Variants in RET observed in about 807,000 individuals in gnomAD.
RET encodes the protein ret proto-oncogene.
A neutral mutation model predicts 118.3 loss-of-function variants in RET; 19 were observed. The observed-to-expected ratio is 0.16, with a 90% CI of 0.11 to 0.24. The LOEUF is 0.24. Ranked by LOEUF, RET falls within the 10% of genes least tolerant of loss-of-function variation. The pLI, the probability that RET is intolerant of heterozygous loss-of-function variation, is 1.00. For synonymous variants in RET, 597 were observed against 644.1 expected (o/e 0.93, Z 1.11); for missense variants, 1,219 against 1,502.1 (o/e 0.81, Z 3.12).
chr10:43,114,369 G>C lies in RET; in HGVS notation c.1880-111G>C, dbSNP rs2132840713. On this transcript the variant is annotated intron_variant, in intron 10 of 19. Coordinates refer to ENST00000355710, the MANE Select transcript of RET (RefSeq NM_020975.6). The surrounding 1 kb of genome is among the most constrained non-coding windows in gnomAD (Gnocchi z 4.6). ...CCCACACCTCCATGGCCACTTCCCA[G>C]CTGGCGCGGACACGGCAGGCTGGAG... 1 of 1,473,474 alleles carries C rather than the reference G, an allele frequency of 6.8e-7. No homozygotes were observed. Among genetic ancestry groups the C allele is most frequent in the Non-Finnish European group, 9.2e-7 (1 of 1,082,566 alleles). 91.3% of individuals were successfully genotyped at this position (1,473,474 alleles called of 1,614,324 possible).
rs2132746989 is a variant in RET at position 43,109,212 on chromosome 10, G to A, written c.1245G>A (p.Arg415=). Residue 415 remains arginine, a synonymous_variant, in exon 6 of 20, where the codon AGG becomes AGA. Coordinates refer to ENST00000355710, the MANE Select transcript of RET (RefSeq NM_020975.6). The part of the protein sequence containing the change: ...PSTYSLSVSR[R]ARRFAQIGKV... ...CCTACTCCCTCTCCGTGAGCAGGAG[G>A]GCTCGCCGATTTGCCCAGGTGAGCC... 2.5e-6 allele frequency: 4 copies of A among 1,613,414 alleles called. No individual in the cohort carries two copies. Among genetic ancestry groups the A allele is most frequent in the Non-Finnish European group, 3.4e-6 (4 of 1,180,030 alleles).
At chr10:43,123,929 G>T (rs1434033616) in intron 17 of RET, 121 bp downstream of exon 17, 3 of 1,465,428 alleles carry the variant, frequency 2.0e-6, no homozygotes, top group Non-Finnish European at 2.8e-6. Context: ...TGGGGAGTGG[G>T]CAGGGCAGAG....
rs2132986560 is a variant in RET at position 43,122,003 on chromosome 10, A to G, written c.2788A>G (p.Thr930Ala). 6.2e-7 allele frequency: 1 copy of G among 1,613,514 alleles called. No homozygotes were observed. Among genetic ancestry groups the G allele is most frequent in the Admixed American group, 1.7e-5 (1 of 60,030 alleles). Residue 930 changes from threonine (T) to alanine (A), a missense_variant, in exon 16 of 20, where the codon ACG becomes GCG. Transcript: ENST00000355710. ...IESLFDHIYT[T>A]QSDVWSFGVL... is the part of the protein sequence containing the mutation. ...ATCCCTTTTTGATCATATCTACACC[A>G]CGCAAAGTGATGTGTAAGTGTGGGT...
chr10:43,090,879 C>T (rs1837396857), intron 1 of RET, among the ~76,000 whole-genome samples: 2 of 149,760 alleles, frequency 1.3e-5, no homozygotes, highest in African/African-American at 2.5e-5. Context: ...AGAGATGGCG[C>T]GCTCCCTAGC....
At chr10:43,101,974 C>A (rs1182336033) in intron 2 of RET, among the ~76,000 whole-genome samples, 4 of 151,890 alleles carry the variant, frequency 2.6e-5, no homozygotes, top group Non-Finnish European at 4.4e-5. Flanking sequence ...GGAAGTATGT[C>A]TGCGGCCACT....
intron 1 of RET, among the ~76,000 whole-genome samples, chr10:43,096,848 G>A (rs1346093458): frequency 2.6e-5 from 4 of 152,210 alleles, no homozygotes; most frequent in Non-Finnish European, 5.9e-5. Context: ...TGCCCAGGCT[G>A]CAGTCCGCTG....
intron 1 of RET, among the ~76,000 whole-genome samples, chr10:43,097,398 C>T (rs527791225): frequency 2.6e-5 from 4 of 152,148 alleles, no homozygotes; most frequent in Non-Finnish European, 5.9e-5. Flanking sequence ...AGGTGTGTGT[C>T]CCAGAGAAAA....
At chr10:43,125,623 A>AT (rs1838312770) in intron 18 of RET, among the ~76,000 whole-genome samples, 2 of 152,150 alleles carry the variant, frequency 1.3e-5, no homozygotes, top group Admixed American at 1.3e-4. Flanking sequence ...AGGTCTACAC[A>AT]TTTTCAACCA....
At chr10:43,078,609 G>A (rs558923764) in intron 1 of RET, among the ~76,000 whole-genome samples, 6 of 152,348 alleles carry the variant, frequency 3.9e-5, no homozygotes, top group Admixed American at 6.5e-5. Flanking sequence ...GCGCTCTGAC[G>A]CTGTCTTGGG....
At position 43,128,374 on chromosome 10, in the gene RET, T is replaced by TCCCAGGTGG; in HGVS notation, c.*106_*107insCCAGGTGGC. The TCCCAGGTGG allele has an allele frequency of 1.4e-6, 2 of 1,380,208 alleles. No homozygotes were observed. The highest frequency in any genetic ancestry group is 3.4e-5 in the Admixed American group (2 of 58,690). 85.5% of individuals were successfully genotyped at this position (1,380,208 alleles called of 1,614,324 possible). On this transcript the variant is annotated 3_prime_UTR_variant, in exon 20 of 20. Coordinates refer to ENST00000355710, the MANE Select transcript of RET (RefSeq NM_020975.6). ...GAACGTCACATTGGCCGAGCCGTGTTCAGTTCCCAGGTGGCAGACTCGTTT... is the reference window on the plus strand; with the variant it reads ...GAACGTCACATTGGCCGAGCCGTGTTCCCAGGTGGCAGTTCCCAGGTGGCAGACTCGTTT...
intron 13 of RET, among the ~76,000 whole-genome samples, chr10:43,118,841 C>T (rs1267712234): frequency 2.0e-5 from 3 of 152,208 alleles, no homozygotes; most frequent in Non-Finnish European, 4.4e-5. Context: ...ACCCTGGGTA[C>T]CACAGGGCAC....
At chr10:43,105,224 A>T (rs1324808495) in intron 4 of RET, 31 bp downstream of exon 4, 2 of 1,611,710 alleles carry the variant, frequency 1.2e-6, no homozygotes, top group African/African-American at 2.7e-5. Context: ...TGGTCTACCC[A>T]GTGTCTGTCT....
chr10:43,102,789 A>C (rs1245624689), intron 3 of RET, 160 bp downstream of exon 3: 2 of 856,722 alleles, frequency 2.3e-6, no homozygotes, highest in East Asian at 5.3e-5. Context: ...GGGGCCAGGT[A>C]CTGTTCTAGG....
chr10:43,104,879 C>G, intron 3 of RET, 73 bp from the exon 4 acceptor site: 2 of 1,450,240 alleles, frequency 1.4e-6, no homozygotes, highest in Non-Finnish European at 1.8e-6. Flanking sequence ...CCGCAGAGCC[C>G]CCTTCCCGAG....
intron 1 of RET, among the ~76,000 whole-genome samples, chr10:43,085,720 T>C (rs1826948070): frequency 2.8e-5 from 3 of 106,768 alleles, no homozygotes; most frequent in Admixed American, 2.1e-4. Flanking sequence ...AGATGAAGAC[T>C]TGGCACCACT....
chr10:43,092,504 A>G (rs1837431383), intron 1 of RET, among the ~76,000 whole-genome samples: 1 of 152,254 alleles, frequency 6.6e-6, no homozygotes, highest in South Asian at 2.1e-4. Flanking sequence ...TTTTAAAACT[A>G]GAATCTCTCT....
intron 1 of RET, among the ~76,000 whole-genome samples, chr10:43,098,421 C>CT (rs36075879): frequency 0.021 from 2,665 of 129,738 alleles, 69 homozygotes; most frequent in African/African-American, 0.047. Context: ...GATTTTCCTC[C>CT]TTTTTTTTTT....
intron 15 of RET, among the ~76,000 whole-genome samples, chr10:43,120,490 GAACT>G: frequency 6.6e-6 from 1 of 152,358 alleles, no homozygotes; most frequent in Non-Finnish European, 1.5e-5. Context: ...TCATGCTGCG[GAACT>G]AACAGTCCTC....
chr10:43,113,648 T>G lies in RET; in HGVS notation c.1852T>G (p.Cys618Gly), dbSNP rs76262710. ...TCNCFPEEEKCFCEPEDIQDP... is the reference protein window; with the variant it reads ...TCNCFPEEEKGFCEPEDIQDP... ...CAACTGCTTCCCTGAGGAGGAGAAG[T>G]GCTTCTGCGAGCCCGAAGACATCCA... Residue 618 changes from cysteine to glycine, a missense_variant, in exon 10 of 20, where the codon TGC becomes GGC. By Grantham distance (159) the Cys-to-Gly change is radical (BLOSUM62 -3). Around this residue, in one of 5 missense-constraint regions of RET, gnomAD observed 850 missense variants for 969.6 expected, o/e 0.88. Transcript: ENST00000355710. 1 of 1,613,354 alleles carries G rather than the reference T, an allele frequency of 6.2e-7. No individual in the cohort carries two copies. Among genetic ancestry groups the G allele is most frequent in the Non-Finnish European group, 8.5e-7 (1 of 1,179,866 alleles).
Sources: allele counts gnomAD v4.1 joint callset (sites outside exome capture counted in the v4.1 genomes callset), GRCh38; gene constraint gnomAD v4.1.1; regional missense constraint gnomAD v4.1.1; non-coding constraint Gnocchi (gnomAD v3.1); transcripts MANE v1.5; gene names NCBI Gene and HGNC (gene_info 2026-07-23, HGNC 2026-07-21).